Variants in SCAF11 observed in about 807,000 individuals in gnomAD.
The protein encoded by SCAF11 is SR-related CTD associated factor 11.
SCAF11 carries 47 observed loss-of-function variants against 140.5 expected under a neutral mutation model. That is an observed-to-expected ratio of 0.33 (90% CI 0.26 to 0.43). The LOEUF (loss-of-function observed/expected upper bound fraction) is 0.43, where lower values mean the gene tolerates loss of function less well. Ranked by LOEUF, SCAF11 falls within the 20% of genes least tolerant of loss-of-function variation. The pLI is 1.00. For missense variants in SCAF11, 1,645 were observed against 1,705.1 expected (o/e 0.96, Z 0.62); for synonymous variants, 557 against 579.4 (o/e 0.96, Z 0.55).
intron 1 of SCAF11, among the ~76,000 whole-genome samples, chr12:45,969,766 T>C (rs1946031589): frequency 6.6e-6 from 1 of 152,250 alleles, no homozygotes; most frequent in South Asian, 2.1e-4. Context: ...AGAAACAGTC[T>C]TGCTCTGTCG....
chr12:45,945,047 A>C (rs943657679), intron 6 of SCAF11: 1 of 542,176 alleles, frequency 1.8e-6, no homozygotes, highest in Admixed American at 3.8e-5. Flanking sequence ...ACCCCTTTTA[A>C]GAGGAGCAAG....
intron 6 of SCAF11, among the ~76,000 whole-genome samples, chr12:45,935,537 T>C (rs1357279449): frequency 6.6e-6 from 1 of 152,220 alleles, no homozygotes; most frequent in Non-Finnish European, 1.5e-5. Flanking sequence ...AATAACCATG[T>C]TCCTTCAGCT....
intron 1 of SCAF11, chr12:45,975,388 C>T (rs1946209839): frequency 1.3e-5 from 2 of 152,382 alleles, no homozygotes. Context: ...GGCTCATCTG[C>T]ATTAAAAATC....
intron 1 of SCAF11, among the ~76,000 whole-genome samples, chr12:45,989,981 C>A (rs574287543): frequency 9.2e-5 from 14 of 152,008 alleles, no homozygotes; most frequent in East Asian, 1.9e-4. Context: ...CCCTTCCCCC[C>A]CCCCCGTAGG....
chr12:45,924,153 AT>A (rs1054048770), intron 12 of SCAF11, among the ~76,000 whole-genome samples: 3 of 152,200 alleles, frequency 2.0e-5, no homozygotes, highest in African/African-American at 7.2e-5. Flanking sequence ...GGATTCTAAA[AT>A]TTTTAAAAGG....
intron 1 of SCAF11, among the ~76,000 whole-genome samples, chr12:45,981,400 A>C (rs1946346748): frequency 6.6e-6 from 1 of 152,220 alleles, no homozygotes; most frequent in Admixed American, 6.5e-5. Flanking sequence ...AATAACCCTG[A>C]TATTAATCCA....
At chr12:45,945,829 G>A (rs1945410233) in intron 5 of SCAF11, among the ~76,000 whole-genome samples, 1 of 151,744 alleles carries the variant, frequency 6.6e-6, no homozygotes, top group Non-Finnish European at 1.5e-5. Flanking sequence ...TACCATGCCT[G>A]GCTAATATAT....
intron 3 of SCAF11, among the ~76,000 whole-genome samples, chr12:45,954,449 G>A (rs1353231306): frequency 6.6e-6 from 1 of 151,954 alleles, no homozygotes; most frequent in African/African-American, 2.4e-5. Flanking sequence ...GTTGCCCAGG[G>A]TGGTCTTGGA....
intron 6 of SCAF11, among the ~76,000 whole-genome samples, chr12:45,943,783 T>C (rs1034327327): frequency 7.2e-5 from 11 of 152,192 alleles, no homozygotes; most frequent in African/African-American, 2.7e-4. Flanking sequence ...AACAAACGAC[T>C]TCAGGCATCT....
intron 1 of SCAF11, among the ~76,000 whole-genome samples, chr12:45,989,976 C>T (rs1946553170): frequency 7.7e-6 from 1 of 130,282 alleles, no homozygotes; most frequent in South Asian, 2.8e-4. Context: ...GGAGCCCCTT[C>T]CCCCCCCCCC....
chr12:45,921,936 T>A lies in SCAF11; in HGVS notation c.*112A>T. The A allele has an allele frequency of 3.1e-6, 4 of 1,296,318 alleles. No homozygotes were observed. Among genetic ancestry groups the A allele is most frequent in the Non-Finnish European group, 4.2e-6 (4 of 944,414 alleles). 80.3% of individuals were successfully genotyped at this position (1,296,318 alleles called of 1,614,324 possible). ...ATCATATCCTATGTTAAAAAAATAA[T>A]TTTATCAAAACCAAATTTCAATCAC... On this transcript the variant is annotated 3_prime_UTR_variant, in exon 15 of 15. Coordinates refer to ENST00000369367, the MANE Select transcript of SCAF11 (RefSeq NM_004719.3).
At chr12:45,968,127 A>G (rs1392616778) in intron 1 of SCAF11, among the ~76,000 whole-genome samples, 1 of 152,214 alleles carries the variant, frequency 6.6e-6, no homozygotes, top group African/African-American at 2.4e-5. Context: ...ATCATGTTAT[A>G]TTCTACCTAT....
upstream of SCAF11, among the ~76,000 whole-genome samples, chr12:45,990,771 A>T (rs984690391): frequency 6.6e-6 from 1 of 152,190 alleles, no homozygotes; most frequent in African/African-American, 2.4e-5. Context: ...GCGCTGGCAA[A>T]CTGCTGTTTG....
At chr12:45,973,015 TATATAGATATATAG>T (rs1233707750) in intron 1 of SCAF11, among the ~76,000 whole-genome samples, 46 of 145,710 alleles carry the variant, frequency 3.2e-4, no homozygotes, top group South Asian at 4.8e-4. Flanking sequence ...TATATATAGA[TATATAGATATATAG>T]ATATAGATAT....
chr12:45,990,538 G>C lies in SCAF11; in HGVS notation c.-207C>G. The C allele has an allele frequency of 4.1e-6, 5 of 1,231,912 alleles. No individual in the cohort carries two copies. The highest frequency in any genetic ancestry group is 5.1e-6 in the Non-Finnish European group (5 of 988,220). The allele number at this position is 1,231,912 out of a possible 1,614,324, so 76.3% of individuals were successfully genotyped here. A position where few individuals can be genotyped will look rare whatever the true frequency, so the allele number is the denominator to read the frequency against. The stretch of plus-strand genomic sequence containing the variant: ...GGCGGCGAAGCAGGGAGCGACCCAG[G>C]TTGCGCTGCTCCGCGCGGCTTAAGC... On this transcript the variant is annotated 5_prime_UTR_variant, in exon 1 of 15. Transcript: ENST00000369367.
intron 1 of SCAF11, among the ~76,000 whole-genome samples, chr12:45,981,576 C>T (rs1946351902): frequency 6.6e-6 from 1 of 152,154 alleles, no homozygotes; most frequent in Admixed American, 6.6e-5. Flanking sequence ...TTTTTTATCT[C>T]ATTTCCCCAA....
intron 1 of SCAF11, among the ~76,000 whole-genome samples, chr12:45,988,070 T>C (rs1201871449): frequency 1.3e-5 from 2 of 152,220 alleles, no homozygotes; most frequent in Admixed American, 1.3e-4. Context: ...TAACAGTTAT[T>C]ACTGCTCAGA....
At chr12:45,961,631 CA>C in intron 3 of SCAF11, 68 bp downstream of exon 3, 1 of 1,214,698 alleles carries the variant, frequency 8.2e-7, no homozygotes, top group Non-Finnish European at 1.1e-6. Context: ...TTATGAAAGG[CA>C]GTATCAACTC....
chr12:45,926,034 T>A, intron 11 of SCAF11, 108 bp downstream of exon 11: 1 of 1,195,218 alleles, frequency 8.4e-7, no homozygotes, highest in African/African-American at 1.5e-5. Context: ...AAGGTTCAGC[T>A]TATTATAAAA....
Sources: gnomAD v4.1 joint callset for allele counts (sites outside exome capture counted in the v4.1 genomes callset) on GRCh38, gnomAD v4.1.1 for gene constraint, MANE v1.5 for transcripts, NCBI Gene and HGNC (gene_info 2026-07-23, HGNC 2026-07-21) for gene names.